The following MORC4 variants were observed in gnomAD, a reference collection of about 807,000 sequenced individuals.
MORC4 encodes MORC family CW-type zinc finger 4, also known as MORC family CW-type zinc finger protein 4.
Under a neutral mutation model 65.5 loss-of-function variants are expected in MORC4, and 22 were observed. That is an observed-to-expected ratio of 0.34 (90% CI 0.24 to 0.48). The LOEUF is 0.48. Among genes scored for constraint, MORC4 ranks in the 20% least tolerant of loss-of-function variants. The probability of loss-of-function intolerance (pLI) is 0.99; values close to 1 mark genes in which losing one functional copy is unlikely to be tolerated. For missense variants in MORC4, 624 were observed against 703.0 expected (o/e 0.89, Z 1.27); for synonymous variants, 267 against 255.8 (o/e 1.04, Z -0.42).
chrX:106,966,644 G>C (rs1230888466), intron 9 of MORC4, among the ~76,000 whole-genome samples: 2 of 113,159 alleles, frequency 1.8e-5, no homozygotes, highest in Admixed American at 1.8e-4. Context: ...CCTGTGTCTG[G>C]CTTGGTGGAT....
chrX:106,998,609 C>A (rs928474270), intron 2 of MORC4, among the ~76,000 whole-genome samples: 2 of 112,660 alleles, frequency 1.8e-5, no homozygotes, highest in Non-Finnish European at 3.7e-5. Flanking sequence ...CCCCAAGGCA[C>A]AGTACCAAAC....
intron 14 of MORC4, 120 bp downstream of exon 14, chrX:106,954,793 C>T: frequency 1.5e-6 from 1 of 649,402 alleles, no homozygotes; most frequent in South Asian, 2.8e-5. Context: ...TGTGTTTCTA[C>T]TTCTGAATTC....
intron 14 of MORC4, among the ~76,000 whole-genome samples, chrX:106,954,369 A>C (rs1934049327): frequency 1.8e-5 from 2 of 112,572 alleles, no homozygotes; most frequent in Non-Finnish European, 3.8e-5. Context: ...ACAAAATAAC[A>C]CTGATGAGGT....
intron 2 of MORC4, among the ~76,000 whole-genome samples, chrX:106,993,666 C>A (rs1423489008): frequency 8.9e-6 from 1 of 112,001 alleles, no homozygotes; most frequent in Non-Finnish European, 1.9e-5. Context: ...ATATACAAAG[C>A]ATTTTGCTCC....
chrX:106,987,952 G>A (rs1027055539), intron 3 of MORC4, among the ~76,000 whole-genome samples: 2 of 111,002 alleles, frequency 1.8e-5, no homozygotes, highest in Non-Finnish European at 3.8e-5. Flanking sequence ...TAAGATTCAG[G>A]CATTCCCATT....
chrX:106,961,703 AG>A (rs975167137), intron 10 of MORC4, among the ~76,000 whole-genome samples: 5 of 111,883 alleles, frequency 4.5e-5, no homozygotes, highest in African/African-American at 1.6e-4. Context: ...GGAACACGGG[AG>A]GGAACAATAA....
chrX:106,942,730 T>G lies in MORC4; in HGVS notation c.2161A>C (p.Arg721=). 1.7e-6 allele frequency: 2 copies of G among 1,211,502 alleles called. No individual in the cohort carries two copies. Among genetic ancestry groups the G allele is most frequent in the South Asian group, 1.8e-5 (1 of 56,906 alleles). The change falls in exon 15 of 17, where the codon AGA becomes CGA. Residue 721 remains arginine (R), a synonymous_variant. Coordinates refer to ENST00000355610, the MANE Select transcript of MORC4 (RefSeq NM_024657.5). ...IPFNREELAE[R]RKAVESWNPV... is the part of the protein sequence containing the mutation. ...TTCCAGGATTCAACTGCTTTTCGTCTCTCAGCAAGCTCCTCTCTGTTAAAA... is the reference window on the plus strand; with the variant it reads ...TTCCAGGATTCAACTGCTTTTCGTCGCTCAGCAAGCTCCTCTCTGTTAAAA...
intron 12 of MORC4, 43 bp downstream of exon 12, chrX:106,956,893 A>G: frequency 2.0e-6 from 2 of 991,900 alleles, no homozygotes; most frequent in Non-Finnish European, 2.8e-6. Context: ...GTGTCAGGCT[A>G]CTCTACCCTA....
intron 14 of MORC4, 60 bp from the exon 15 acceptor site, chrX:106,943,265 C>A (rs1427491399): frequency 1.1e-6 from 1 of 923,610 alleles, no homozygotes; most frequent in East Asian, 3.1e-5. Flanking sequence ...ATTTTCTGAT[C>A]CTATGGAGCC....
intron 4 of MORC4, 86 bp downstream of exon 4, chrX:106,985,897 T>G (rs898819748): frequency 1.3e-6 from 1 of 747,592 alleles, no homozygotes; most frequent in Non-Finnish European, 2.0e-6. Flanking sequence ...CTTCTGACAG[T>G]TGGATTTGAC....
intron 14 of MORC4, among the ~76,000 whole-genome samples, chrX:106,953,411 G>C (rs1934024483): frequency 9.0e-6 from 1 of 111,339 alleles, no homozygotes; most frequent in Non-Finnish European, 1.9e-5. Flanking sequence ...AGGGTAAAAA[G>C]GTAACAATGT....
intron 14 of MORC4, among the ~76,000 whole-genome samples, chrX:106,952,579 G>A (rs946258245): frequency 1.4e-4 from 16 of 111,878 alleles, no homozygotes; most frequent in African/African-American, 3.9e-4. Context: ...GGTTATACCT[G>A]CTTACATACT....
At chrX:106,947,072 T>C (rs1197985340) in intron 14 of MORC4, among the ~76,000 whole-genome samples, 1 of 112,041 alleles carries the variant, frequency 8.9e-6, no homozygotes, top group Non-Finnish European at 1.9e-5. Flanking sequence ...ACATTTCCAA[T>C]GTGATTTTTT....
At chrX:106,965,419 G>C (rs1457726507) in intron 9 of MORC4, among the ~76,000 whole-genome samples, 1 of 112,233 alleles carries the variant, frequency 8.9e-6, no homozygotes, top group Non-Finnish European at 1.9e-5. Context: ...TGTAGGAAAT[G>C]AGGGGCAAAG....
chrX:106,947,591 A>AATAT (rs1555982181), intron 14 of MORC4, among the ~76,000 whole-genome samples: 6 of 83,124 alleles, frequency 7.2e-5, no homozygotes, highest in African/African-American at 3.3e-4. Flanking sequence ...ATATATATAT[A>AATAT]ATATATATAT....
In MORC4 at chrX:106,985,207, A is replaced by G; in HGVS notation, c.563T>C (p.Leu188Pro). ...MIITEDSLPSLEAILNYSIFN... is the reference protein window; with the variant it reads ...MIITEDSLPSPEAILNYSIFN... Reference sequence around the variant, plus strand: ...AATGGAATAGTTCAAGATGGCTTCTAGGCTGGGCAATGAATCCTCGGTAAT... The same window carrying G: ...AATGGAATAGTTCAAGATGGCTTCTGGGCTGGGCAATGAATCCTCGGTAAT... Residue 188 changes from leucine to proline, a missense_variant, in exon 5 of 17, where the codon CTA becomes CCA. Transcript: ENST00000355610. 8.4e-7 allele frequency: 1 copy of G among 1,183,524 alleles called. No individual in the cohort carries two copies. The highest frequency in any genetic ancestry group is 1.1e-6 in the Non-Finnish European group (1 of 878,417).
intron 5 of MORC4, among the ~76,000 whole-genome samples, chrX:106,982,185 T>C (rs1036464507): frequency 1.8e-5 from 2 of 112,205 alleles, no homozygotes; most frequent in East Asian, 2.8e-4. Context: ...TGACAGGTTT[T>C]AGTAAAAATG....
rs756198498 is a variant in MORC4 at position 106,981,433 on chromosome X, T to C, written c.719A>G (p.Tyr240Cys). 7.5e-6 allele frequency: 9 copies of C among 1,200,150 alleles called. No homozygotes were observed. In the Admixed American group the frequency reaches 1.1e-4, roughly 15 times the overall value. The change falls in exon 6 of 17, where the codon TAT becomes TGT. Residue 240 changes from tyrosine to cysteine, a missense_variant. Tyr to Cys is a radical substitution (Grantham distance 194). Coordinates refer to ENST00000355610, the MANE Select transcript of MORC4 (RefSeq NM_024657.5). ...KSELDFDTDQ[Y>C]DILVSDFDTE... ...GTCAAAGTCTGATACCAGGATGTCA[T>C]ATTGATCTGTATCAAAGTCCAACTC...
At chrX:106,970,824 A>C (rs1015161892) in intron 9 of MORC4, among the ~76,000 whole-genome samples, 1 of 112,051 alleles carries the variant, frequency 8.9e-6, no homozygotes, top group Non-Finnish European at 1.9e-5. Context: ...GAGGGCACAA[A>C]CGAATGGAAA....
Sources: gnomAD v4.1 joint callset for allele counts (sites outside exome capture counted in the v4.1 genomes callset) on GRCh38, gnomAD v4.1.1 for gene constraint, MANE v1.5 for transcripts, NCBI Gene and HGNC (gene_info 2026-07-23, HGNC 2026-07-21) for gene names.